Variants in CAPN14 observed in about 807,000 individuals in gnomAD.
CAPN14 encodes the protein calpain-14.
Under a neutral mutation model 101.3 loss-of-function variants are expected in CAPN14, and 94 were observed. The observed-to-expected ratio is 0.93, with a 90% CI of 0.79 to 1.10. The LOEUF (loss-of-function observed/expected upper bound fraction) is 1.10, where lower values mean the gene tolerates loss of function less well. Ranked by LOEUF, CAPN14 falls within the 50% of genes least tolerant of loss-of-function variation. CAPN14 has a pLI of 0.00. For missense variants in CAPN14, 837 were observed against 828.4 expected, an observed-to-expected ratio of 1.01 and a Z score of -0.13; for synonymous variants, 338 against 317.9, an observed-to-expected ratio of 1.06 and a Z score of -0.67.
In CAPN14 at chr2:31,188,327, G is replaced by A. The variant is rs1273087310; in HGVS notation, c.1521C>T (p.Val507=). ...FYEIGSNSGV[V]FSKEIEDQNE... Reference sequence around the variant, plus strand: ...CCACCAGACTACTCACCTTTGAGAAGACGACACCAGAATTGCTGCCAATTT... The same window carrying A: ...CCACCAGACTACTCACCTTTGAGAAAACGACACCAGAATTGCTGCCAATTT... Residue 507 remains valine, a synonymous_variant, in exon 14 of 22, where the codon GTC becomes GTT. Coordinates refer to ENST00000403897, the MANE Select transcript of CAPN14 (RefSeq NM_001145122.2). The A allele has an allele frequency of 6.4e-7, 1 of 1,551,562 alleles. No homozygotes were observed. The highest frequency in any genetic ancestry group is 8.7e-7 in the Non-Finnish European group (1 of 1,146,894).
chr2:31,190,137 T>TTCTCTCTCTCTCTCTCTCTCTC (rs3031867), intron 12 of CAPN14, among the ~76,000 whole-genome samples: 15 of 142,770 alleles, frequency 1.1e-4, no homozygotes, highest in South Asian at 9.4e-4. Context: ...CTGATTCATA[T>TTCTCTCTCTCTCTCTCTCTCTC]TCTCTCTCTC....
rs374240624 is a variant in CAPN14, at chr2:31,194,406, T to C, written c.950+3A>G. ...CATTTGTCCAAGTCCCTAAGTCCAA[T>C]ACCAGAATTCTCCGTCATTGTCTTT... is the stretch of plus-strand genomic sequence containing the variant. On this transcript the variant is annotated splice_donor_region_variant and intron_variant, in intron 9 of 21. Transcript: ENST00000403897. The C allele has an allele frequency of 3.9e-6, 6 of 1,550,180 alleles. No homozygotes were observed. Among genetic ancestry groups the C allele is most frequent in the African/African-American group, 1.4e-5 (1 of 72,996 alleles).
rs1354002659 is a variant in CAPN14, at chr2:31,205,397, G to T, written c.51C>A (p.Tyr17Ter). The T allele has an allele frequency of 6.4e-7, 1 of 1,551,596 alleles. No homozygotes were observed. Among genetic ancestry groups the T allele is most frequent in the Admixed American group, 2.0e-5 (1 of 51,004 alleles). Residue 17 changes from tyrosine to a stop codon, truncating the protein, a stop_gained, in exon 2 of 22, where the codon TAC becomes TAA. Coordinates refer to ENST00000403897, the MANE Select transcript of CAPN14 (RefSeq NM_001145122.2). LOFTEE classifies it high-confidence loss of function. ...GTTGCTGTGGAGACGCCCTCCTAGA[G>T]TACCTTGGCGCCAGCTTCCATCTGC... ...FRCRWKLAPR[Y>*]SRRASPQQPQ...
chr2:31,212,555 G>C (rs1202690575), intron 1 of CAPN14, among the ~76,000 whole-genome samples: 1 of 152,084 alleles, frequency 6.6e-6, no homozygotes, highest in African/African-American at 2.4e-5. Context: ...TGAAGCAGTT[G>C]AGAATTCTGG....
chr2:31,220,189 TA>T (rs1284390250), upstream of CAPN14, among the ~76,000 whole-genome samples: 2 of 152,070 alleles, frequency 1.3e-5, no homozygotes, highest in Admixed American at 6.5e-5. Context: ...GGCACTGAAA[TA>T]AGAAGTAAAA....
chr2:31,199,448 C>T lies in CAPN14; in HGVS notation c.789+22G>A, dbSNP rs757291520. On this transcript the variant is annotated intron_variant, in intron 7 of 21. Coordinates refer to ENST00000403897, the MANE Select transcript of CAPN14 (RefSeq NM_001145122.2). ...GGAAGGGCAAGGCTGAGAGGGAAAC[C>T]GAAGGGCCAACCTCAACCCACCTTC... is the stretch of plus-strand genomic sequence containing the variant. The T allele has an allele frequency of 4.1e-5, 63 of 1,549,492 alleles. No homozygotes were observed. In the East Asian group the frequency reaches 8.1e-4, roughly 20 times the overall value.
chr2:31,203,284 A>T, intron 2 of CAPN14, 145 bp from the exon 3 acceptor site: 1 of 626,756 alleles, frequency 1.6e-6, no homozygotes, highest in Non-Finnish European at 2.8e-6. Context: ...ATCCCAGAAG[A>T]TCTGGGATAC....
intron 5 of CAPN14, 62 bp from the exon 6 acceptor site, chr2:31,200,687 T>A: frequency 7.0e-7 from 1 of 1,430,278 alleles, no homozygotes; most frequent in Non-Finnish European, 9.3e-7. Flanking sequence ...TAATTTTATG[T>A]GGCCTCGGCA....
intron 15 of CAPN14, 51 bp from the exon 16 acceptor site, chr2:31,186,536 T>C (rs983825667): frequency 7.2e-7 from 1 of 1,383,262 alleles, no homozygotes; most frequent in Non-Finnish European, 1.0e-6. Context: ...TGAAGGCTCA[T>C]TAGATGGCAG....
chr2:31,174,491 C>T lies in CAPN14; in HGVS notation c.*190G>A. 1.6e-6 allele frequency: 1 copy of T among 623,494 alleles called. No individual in the cohort carries two copies. Among genetic ancestry groups the T allele is most frequent in the Non-Finnish European group, 2.8e-6 (1 of 353,266 alleles). The allele number at this position is 623,494 out of a possible 1,614,324, so 38.6% of individuals were successfully genotyped here. A position where few individuals can be genotyped will look rare whatever the true frequency, so the allele number is the denominator to read the frequency against. On this transcript the variant is annotated 3_prime_UTR_variant, in exon 22 of 22. Transcript: ENST00000403897. ...ATCTGATGTAATCTTTACTTCCTCC[C>T]TTCCCTTTCTGCATGCTGGCCATGC...
rs984730738 is a variant in CAPN14 at position 31,180,804 on chromosome 2, T to A, written c.1710+132A>T. The A allele has an allele frequency of 1.9e-5, 13 of 702,576 alleles. No homozygotes were observed. The African/African-American group carries it at 2.3e-4, about 13-fold the overall frequency. 43.5% of individuals were successfully genotyped at this position (702,576 alleles called of 1,614,324 possible). ...TTCAGATGAGCATCTGGATACATAA[T>A]GAGGCTCAGTGGCTTGTCCAGGATC... On this transcript the variant is annotated intron_variant, in intron 17 of 21. Transcript: ENST00000403897.
In CAPN14 at chr2:31,191,537, C is replaced by A. The variant is rs138837429; in HGVS notation, c.1279-130G>T. ...TGATATACAAGGCTCTACCCAGAAG[C>A]CGTGTCCCCTCCCACAAGACCTGCT... On this transcript the variant is annotated intron_variant, in intron 11 of 21. Transcript: ENST00000403897. 1,190 of 833,898 alleles carry A rather than the reference C, an allele frequency of 1.4e-3. 12 individuals carry two copies. The African/African-American group carries it at 0.019, about 13-fold the overall frequency. The allele number at this position is 833,898 out of a possible 1,614,324, so 51.7% of individuals were successfully genotyped here.
chr2:31,182,583 C>T (rs1680699886), intron 16 of CAPN14, among the ~76,000 whole-genome samples: 1 of 130,412 alleles, frequency 7.7e-6, no homozygotes, highest in Admixed American at 8.1e-5. Context: ...CTCCCATTCA[C>T]AATTGCTTCA....
intron 1 of CAPN14, among the ~76,000 whole-genome samples, chr2:31,231,010 T>C (rs139868364): frequency 8.3e-4 from 127 of 152,322 alleles, no homozygotes; most frequent in African/African-American, 3.0e-3. Context: ...AAAACCATAT[T>C]AACCACTGTA....
intron 21 of CAPN14, among the ~76,000 whole-genome samples, chr2:31,175,406 T>C (rs1027282456): frequency 1.3e-5 from 2 of 152,230 alleles, no homozygotes; most frequent in Admixed American, 6.5e-5. Flanking sequence ...ACAAGAAGTG[T>C]TGTGGCTTCA....
chr2:31,192,938 G>A (rs931936195), intron 10 of CAPN14, among the ~76,000 whole-genome samples, 193 bp downstream of exon 10: 2 of 152,054 alleles, frequency 1.3e-5, no homozygotes, highest in Non-Finnish European at 2.9e-5. Flanking sequence ...ACTCTGCCTT[G>A]GTGCACATTG....
rs915079978 is a variant in CAPN14, at chr2:31,197,289, G to A, written c.835C>T (p.Pro279Ser). Residue 279 changes from proline (P) to serine (S), a missense_variant, in exon 8 of 22, where the codon CCC becomes TCC. Physicochemically the swap from Pro to Ser is moderately conservative, Grantham distance 74. Coordinates refer to ENST00000403897, the MANE Select transcript of CAPN14 (RefSeq NM_001145122.2). ...CCTTTCCATTCCACCTTTCCCCAGG[G>A]GTTCCGTAGCTTGACGAGATATTCA... Reference protein sequence around the residue: ...RPEYLVKLRNPWGKVEWKGDW... With the variant: ...RPEYLVKLRNSWGKVEWKGDW... 8 of 1,551,304 alleles carry A rather than the reference G, an allele frequency of 5.2e-6. No homozygotes were observed. The Admixed American group carries it at 1.2e-4, about 23-fold the overall frequency.
intron 20 of CAPN14, 141 bp downstream of exon 20, chr2:31,176,885 T>G (rs6720254): frequency 0.27 from 190,381 of 705,882 alleles, 29,722 homozygotes; most frequent in African/African-American, 0.56. Context: ...CACAGGCACT[T>G]GGCTGGAGGT....
At chr2:31,193,690 G>A (rs1681327187) in intron 9 of CAPN14, among the ~76,000 whole-genome samples, 1 of 152,202 alleles carries the variant, frequency 6.6e-6, no homozygotes, top group Admixed American at 6.5e-5. Flanking sequence ...GAAGATCTTT[G>A]CCCCTACTTG....
Sources: gnomAD v4.1 joint callset for allele counts (sites outside exome capture counted in the v4.1 genomes callset) on GRCh38, gnomAD v4.1.1 for gene constraint, MANE v1.5 for transcripts, NCBI Gene and HGNC (gene_info 2026-07-23, HGNC 2026-07-21) for gene names.